The following USP24 variants were observed in gnomAD, a reference collection of about 807,000 sequenced individuals.
USP24 encodes ubiquitin specific peptidase 24, also known as ubiquitin carboxyl-terminal hydrolase 24.
USP24 carries 97 observed loss-of-function variants against 361.6 expected under a neutral mutation model. That is an observed-to-expected ratio of 0.27 (90% confidence interval 0.23 to 0.32). The LOEUF is 0.32. Ranked by LOEUF, USP24 falls within the 10% of genes least tolerant of loss-of-function variation. The pLI, the probability that USP24 is intolerant of heterozygous loss-of-function variation, is 1.00. For missense variants in USP24, 2,353 were observed against 3,165.6 expected (o/e 0.74, Z 6.16); for synonymous variants, 1,098 against 1,124.6 (o/e 0.98, Z 0.47).
rs1053910741 is a variant in USP24 at position 55,093,763 on chromosome 1, C to T, written c.6354+174G>A. On this transcript the variant is annotated intron_variant, in intron 52 of 67. Coordinates refer to ENST00000294383, the MANE Select transcript of USP24 (RefSeq NM_015306.3). Reference sequence around the variant, plus strand: ...TACTTGTGTTCTTAGCACTCCATGGCTCTAGCTCTATGGCCCCCTCTGTGT... The same window carrying T: ...TACTTGTGTTCTTAGCACTCCATGGTTCTAGCTCTATGGCCCCCTCTGTGT... 27 of 838,750 alleles carry T rather than the reference C, an allele frequency of 3.2e-5. No homozygotes were observed. In the Admixed American group the frequency reaches 7.5e-4, roughly 23 times the overall value. The allele number at this position is 838,750 out of a possible 1,614,324, so 52.0% of individuals were successfully genotyped here.
At chr1:55,079,505 G>GA (rs763665310) in intron 60 of USP24, 33 bp downstream of exon 60, 9 of 1,553,802 alleles carry the variant, frequency 5.8e-6, no homozygotes, top group Admixed American at 2.2e-5. Context: ...AAACAGGAGG[G>GA]AAAAAAATGG....
intron 1 of USP24, among the ~76,000 whole-genome samples, chr1:55,191,981 G>C (rs1644301696): frequency 6.6e-6 from 1 of 152,116 alleles, no homozygotes; most frequent in Non-Finnish European, 1.5e-5. Flanking sequence ...TACATACGTT[G>C]CTATCCATAT....
In USP24 at chr1:55,097,002, G is replaced by A; in HGVS notation, c.5886C>T (p.His1962=). ...AGTGGCCTGCGTGTGCCTGCCCACT[G>A]TGTACGATGACACCGACAAGTTCAT... ...ENYELVGVIV[H]SGQAHAGHYY... The change falls in exon 49 of 68, where the codon CAC becomes CAT. Residue 1962 remains histidine (H), a synonymous_variant. Transcript: ENST00000294383. 6.2e-7 allele frequency: 1 copy of A among 1,613,908 alleles called. No homozygotes were observed. Among genetic ancestry groups the A allele is most frequent in the Non-Finnish European group, 8.5e-7 (1 of 1,179,876 alleles).
intron 55 of USP24, chr1:55,086,282 G>GA (rs1193932582): frequency 1.8e-6 from 1 of 548,594 alleles, no homozygotes. Context: ...GCAACTATGA[G>GA]AAAGTTTAAA....
intron 10 of USP24, among the ~76,000 whole-genome samples, chr1:55,157,940 A>G (rs1239984488): frequency 1.3e-5 from 2 of 151,974 alleles, no homozygotes; most frequent in Non-Finnish European, 2.9e-5. Flanking sequence ...TCAATCAGGC[A>G]CTCCCTCCAA....
chr1:55,194,934 T>C (rs2100892968), intron 1 of USP24, among the ~76,000 whole-genome samples: 1 of 152,280 alleles, frequency 6.6e-6, no homozygotes, highest in East Asian at 1.9e-4. Flanking sequence ...GCAATACTCA[T>C]ATAACTGCCA....
intron 1 of USP24, among the ~76,000 whole-genome samples, chr1:55,200,671 AAC>A: frequency 6.6e-6 from 1 of 152,200 alleles, no homozygotes. Flanking sequence ...CTGAAACAAA[AAC>A]AACACTAAAA....
chr1:55,180,333 C>CCT (rs1643926764), intron 1 of USP24, among the ~76,000 whole-genome samples: 1 of 151,954 alleles, frequency 6.6e-6, no homozygotes, highest in Non-Finnish European at 1.5e-5. Flanking sequence ...TTGGGACACC[C>CCT]CCTCCTGCAA....
At chr1:55,162,172 A>G in intron 8 of USP24, 27 bp downstream of exon 8, 1 of 1,570,394 alleles carries the variant, frequency 6.4e-7, no homozygotes, top group Non-Finnish European at 8.6e-7. Flanking sequence ...CAATCATATG[A>G]AGTAATGTGA....
chr1:55,093,026 G>GAATTATA, intron 52 of USP24, 110 bp from the exon 53 acceptor site: 2 of 654,132 alleles, frequency 3.1e-6, no homozygotes, highest in Non-Finnish European at 4.7e-6. Flanking sequence ...TATAAAAAGT[G>GAATTATA]AATTATAATT....
intron 7 of USP24, 79 bp from the exon 8 acceptor site, chr1:55,162,343 G>GT: frequency 7.7e-7 from 1 of 1,297,728 alleles, no homozygotes; most frequent in Non-Finnish European, 1.0e-6. Flanking sequence ...CCCTTTTCAT[G>GT]TATCAGAGAA....
chr1:55,119,008 T>C (rs75905140), intron 38 of USP24, among the ~76,000 whole-genome samples: 1 of 152,232 alleles, frequency 6.6e-6, no homozygotes, highest in East Asian at 1.9e-4. Context: ...GAAAACAGTA[T>C]GGTGGTTCCA....
At chr1:55,124,327 C>G in intron 35 of USP24, 142 bp downstream of exon 35, 1 of 936,506 alleles carries the variant, frequency 1.1e-6, no homozygotes, top group Non-Finnish European at 1.6e-6. Context: ...TAAGTGTATA[C>G]AGAGCTTGAT....
At chr1:55,105,433 C>T (rs1480646413) in intron 41 of USP24, among the ~76,000 whole-genome samples, 1 of 152,162 alleles carries the variant, frequency 6.6e-6, no homozygotes, top group East Asian at 1.9e-4. Flanking sequence ...GCTTATTATG[C>T]CTTGTCCATT....
intron 31 of USP24, among the ~76,000 whole-genome samples, chr1:55,130,413 T>C (rs1646557636): frequency 1.3e-5 from 2 of 152,194 alleles, no homozygotes; most frequent in South Asian, 4.1e-4. Context: ...ACAAAACAAG[T>C]ACTCAGTAAA....
rs767813059 is a variant in USP24, at chr1:55,092,259, TAAG to T, written c.6451-136_6451-134del. 2.6e-4 allele frequency: 132 copies of T among 512,826 alleles called. No homozygotes were observed. The Middle Eastern group carries it at 3.2e-3, about 12-fold the overall frequency. The allele number at this position is 512,826 out of a possible 1,614,324, so 31.8% of individuals were successfully genotyped here. ...CACACATGATAAAGTTAAATACTAA[TAAG>T]AAGAATCTTGCCAGTTCATTATAAA... is the stretch of plus-strand genomic sequence containing the variant. On this transcript the variant is annotated intron_variant, in intron 53 of 67. Transcript: ENST00000294383.
intron 55 of USP24, among the ~76,000 whole-genome samples, chr1:55,087,257 T>C (rs1363178177): frequency 6.6e-6 from 1 of 152,178 alleles, no homozygotes; most frequent in Non-Finnish European, 1.5e-5. Flanking sequence ...GATTGGTCTT[T>C]ATAAAGAAAG....
Position 55,137,856 on chromosome 1 carries a change from G to T in USP24, c.2977C>A (p.Gln993Lys). The change falls in exon 27 of 68, where the codon CAG (glutamine) becomes AAG (lysine). Residue 993 changes from glutamine to lysine, a missense_variant. This residue lies in a region of USP24 where 949 missense variants were observed against 1,280.5 expected (regional missense o/e 0.74). Transcript: ENST00000294383. ...IGSVRWKIAK[Q>K]LCSPVDNIQI... Reference sequence around the variant, plus strand: ...ATATTATCCACAGGAGAGCACAACTGCTTGGCTATTTTCCACCGGACACTC... The same window carrying T: ...ATATTATCCACAGGAGAGCACAACTTCTTGGCTATTTTCCACCGGACACTC... The T allele has an allele frequency of 6.3e-7, 1 of 1,597,794 alleles. No individual in the cohort carries two copies. Among genetic ancestry groups the T allele is most frequent in the Non-Finnish European group, 8.5e-7 (1 of 1,171,132 alleles).
intron 7 of USP24, among the ~76,000 whole-genome samples, chr1:55,164,752 T>C (rs1648652883): frequency 6.6e-6 from 1 of 151,936 alleles, no homozygotes. Flanking sequence ...CATCTATCTA[T>C]CCTGAGCCAA....
Sources: allele counts gnomAD v4.1 joint callset (sites outside exome capture counted in the v4.1 genomes callset), GRCh38; gene constraint gnomAD v4.1.1; regional missense constraint gnomAD v4.1.1; transcripts MANE v1.5; gene names NCBI Gene and HGNC (gene_info 2026-07-23, HGNC 2026-07-21).